Variants in CDYL2 observed in about 807,000 individuals in gnomAD.
CDYL2 encodes chromodomain Y like 2, also known as chromodomain Y-like protein 2.
A neutral mutation model predicts 49.4 loss-of-function variants in CDYL2; 23 were observed. The observed-to-expected ratio is 0.47, with a 90% CI of 0.34 to 0.66. CDYL2 has a LOEUF of 0.66. CDYL2 is among the 30% of genes least tolerant of loss of function. The probability of loss-of-function intolerance (pLI) is 0.01; values close to 1 mark genes in which losing one functional copy is unlikely to be tolerated. For synonymous variants in CDYL2, 360 were observed against 268.8 expected (o/e 1.34, Z -3.32); for missense variants, 678 against 656.4 (o/e 1.03, Z -0.36).
At chr16:80,770,565 G>A (rs1333689427) in intron 1 of CDYL2, among the ~76,000 whole-genome samples, 1 of 152,006 alleles carries the variant, frequency 6.6e-6, no homozygotes, top group East Asian at 1.9e-4. Flanking sequence ...AAAAAAAATA[G>A]AATTATACCA....
At chr16:80,780,576 T>C (rs1217958577) in intron 1 of CDYL2, among the ~76,000 whole-genome samples, 1 of 151,778 alleles carries the variant, frequency 6.6e-6, no homozygotes, top group African/African-American at 2.4e-5. Context: ...GGCTAATTTT[T>C]TTGTATTTTT....
intron 1 of CDYL2, among the ~76,000 whole-genome samples, chr16:80,733,006 C>G (rs1279531779): frequency 6.6e-6 from 1 of 151,972 alleles, no homozygotes; most frequent in African/African-American, 2.4e-5. Context: ...AGCCATTGAT[C>G]AAAACAGACT....
rs147994788 is a variant in CDYL2, at chr16:80,742,765, G to A, written c.25-57636C>T. ...GAGTGAGTGGGTGGATGGATAGATG[G>A]ATTGATGGATAGATGGGCAGATGGA... On this transcript the variant is annotated intron_variant, in intron 1 of 6. Transcript: ENST00000570137. Among the ~76,000 whole-genome samples, 156 of 150,718 alleles carry A rather than the reference G, an allele frequency of 1.0e-3. 3 individuals carry two copies. The highest frequency in any genetic ancestry group is 3.6e-3 in the African/African-American group (147 of 40,970).
intron 1 of CDYL2, among the ~76,000 whole-genome samples, chr16:80,786,483 T>C (rs1005119835): frequency 6.6e-6 from 1 of 152,156 alleles, no homozygotes; most frequent in African/African-American, 2.4e-5. Context: ...GGAGAGGTTG[T>C]GGAAAAATAG....
intron 2 of CDYL2, among the ~76,000 whole-genome samples, chr16:80,662,912 C>T (rs1909106320): frequency 6.6e-6 from 1 of 151,986 alleles, no homozygotes; most frequent in African/African-American, 2.4e-5. Context: ...ATTCATATAC[C>T]TTCAGAACCA....
intron 1 of CDYL2, among the ~76,000 whole-genome samples, chr16:80,743,683 G>GT (rs900792419): frequency 1.2e-4 from 19 of 152,126 alleles, no homozygotes; most frequent in African/African-American, 4.6e-4. Flanking sequence ...TTGTTTGTTT[G>GT]TTTTTTGGGG....
chr16:80,739,954 A>T (rs1905677700), intron 1 of CDYL2, among the ~76,000 whole-genome samples: 1 of 152,172 alleles, frequency 6.6e-6, no homozygotes. Context: ...GATGCCCAGG[A>T]TGAAACGACT....
At chr16:80,630,556 T>C (rs1017115821) in intron 3 of CDYL2, among the ~76,000 whole-genome samples, 2 of 152,154 alleles carry the variant, frequency 1.3e-5, no homozygotes, top group Admixed American at 1.3e-4. Flanking sequence ...GAAGAGCTGC[T>C]TTCGGGGTGG....
At chr16:80,723,251 C>G (rs1905058507) in intron 1 of CDYL2, among the ~76,000 whole-genome samples, 1 of 152,224 alleles carries the variant, frequency 6.6e-6, no homozygotes, top group Non-Finnish European at 1.5e-5. Context: ...ACAAAGGCTG[C>G]ATTCACCTAT....
At chr16:80,619,642 A>T (rs1906987592) in intron 4 of CDYL2, among the ~76,000 whole-genome samples, 2 of 152,208 alleles carry the variant, frequency 1.3e-5, no homozygotes, top group South Asian at 2.1e-4. Context: ...CGCAAAGCGC[A>T]AACTGTGTGG....
rs529906139 is a variant in CDYL2 at position 80,674,228 on chromosome 16, T to A, written c.616+10310A>T. ...CTGTGGTTCCATTCCAGCTCCACCT[T>A]CTGTGACACTTGGACTAACTCAAGC... On this transcript the variant is annotated intron_variant, in intron 2 of 6. Transcript: ENST00000570137. Among the ~76,000 whole-genome samples the A allele has an allele frequency of 3.3e-5, 5 of 152,266 alleles. No homozygotes were observed. The East Asian group carries it at 9.7e-4, about 29-fold the overall frequency.
rs1906151711 is a variant in CDYL2 at position 80,602,826 on chromosome 16, A to G, written c.*1562T>C. The G allele has an allele frequency of 6.6e-6, 1 of 152,264 alleles. No homozygotes were observed. Among genetic ancestry groups the G allele is most frequent in the Non-Finnish European group, 1.5e-5 (1 of 68,068 alleles). The allele number at this position is 152,264 out of a possible 1,614,324, so 9.4% of individuals were successfully genotyped here. ...CTCCATCCTGAGAATCTGAGAATCT[A>G]GCTTTTTCTGGGTGCTTGACCCATG... On this transcript the variant is annotated 3_prime_UTR_variant, in exon 7 of 7. Coordinates refer to ENST00000570137, the MANE Select transcript of CDYL2 (RefSeq NM_152342.4).
intron 1 of CDYL2, among the ~76,000 whole-genome samples, chr16:80,759,162 A>ATATATATATATGGTGTG (rs1567597575): frequency 8.4e-6 from 1 of 118,518 alleles, no homozygotes; most frequent in African/African-American, 3.6e-5. Flanking sequence ...TATATGGTTT[A>ATATATATATATGGTGTG]TATATATATA....
chr16:80,632,934 G>C (rs2142391845), intron 3 of CDYL2, 85 bp downstream of exon 3: 16 of 1,351,236 alleles, frequency 1.2e-5, no homozygotes, highest in Non-Finnish European at 1.7e-5. Flanking sequence ...CTCCCTGATG[G>C]AAGGAAGGAG....
At chr16:80,613,304 G>A (rs964556355) in intron 4 of CDYL2, among the ~76,000 whole-genome samples, 26 of 152,148 alleles carry the variant, frequency 1.7e-4, no homozygotes, top group Non-Finnish European at 3.2e-4. Flanking sequence ...GAATGGAGTG[G>A]CTTTGTGGGG....
At chr16:80,737,045 G>T (rs1486242869) in intron 1 of CDYL2, among the ~76,000 whole-genome samples, 1 of 152,162 alleles carries the variant, frequency 6.6e-6, no homozygotes, top group Non-Finnish European at 1.5e-5. Flanking sequence ...GGAAAGAGAA[G>T]ACAAGGAAAG....
rs1322121901 is a variant in CDYL2, at chr16:80,601,221, C to CA, written c.*3166dup. ...TCTTCTTGGAACAGGGTTGTTAACT[C>CA]AGATGGTCCCATAAGATGCTGAGAG... On this transcript the variant is annotated 3_prime_UTR_variant, in exon 7 of 7. Coordinates refer to ENST00000570137, the MANE Select transcript of CDYL2 (RefSeq NM_152342.4). 2 of 152,304 alleles carry CA rather than the reference C, an allele frequency of 1.3e-5. No homozygotes were observed. Among genetic ancestry groups the CA allele is most frequent in the African/African-American group, 4.8e-5 (2 of 41,566 alleles). 9.4% of individuals were successfully genotyped at this position (152,304 alleles called of 1,614,324 possible). A position where few individuals can be genotyped will look rare whatever the true frequency, so the allele number is the denominator to read the frequency against.
intron 1 of CDYL2, among the ~76,000 whole-genome samples, chr16:80,769,151 C>G (rs1157003617): frequency 6.6e-6 from 1 of 152,202 alleles, no homozygotes; most frequent in African/African-American, 2.4e-5. Flanking sequence ...GCCAGTGACT[C>G]TACATTTCAC....
chr16:80,727,369 C>T lies in CDYL2; in HGVS notation c.25-42240G>A, dbSNP rs1250365429. Among the ~76,000 whole-genome samples the T allele has an allele frequency of 2.6e-5, 4 of 152,212 alleles. No homozygotes were observed. In the South Asian group the frequency reaches 6.2e-4, roughly 24 times the overall value. ...CCTGGAAAATCGGGTCACTCCCACC[C>T]GAATACTGCGCTTTTCCGAGGGGCT... On this transcript the variant is annotated intron_variant, in intron 1 of 6. Coordinates refer to ENST00000570137, the MANE Select transcript of CDYL2 (RefSeq NM_152342.4).
Sources: allele counts gnomAD v4.1 joint callset (sites outside exome capture counted in the v4.1 genomes callset), GRCh38; gene constraint gnomAD v4.1.1; transcripts MANE v1.5; gene names NCBI Gene and HGNC (gene_info 2026-07-23, HGNC 2026-07-21).